Variants in GRHL3 observed in about 807,000 individuals in gnomAD.
GRHL3 encodes the protein grainyhead like transcription factor 3.
A neutral mutation model predicts 70.3 loss-of-function variants in GRHL3; 20 were observed. The ratio of observed to expected loss-of-function variants is 0.28; its 90% confidence interval spans 0.20 to 0.41. The LOEUF is 0.41. GRHL3 is among the 10% of genes least tolerant of loss of function. The probability of loss-of-function intolerance (pLI) is 1.00; values close to 1 mark genes in which losing one functional copy is unlikely to be tolerated. For synonymous variants in GRHL3, 299 were observed against 299.9 expected, an observed-to-expected ratio of 1.00 and a Z score of 0.03; for missense variants, 637 against 762.3, an observed-to-expected ratio of 0.84 and a Z score of 1.94.
chr1:24,352,944 G>A (rs570308345), intron 15 of GRHL3, among the ~76,000 whole-genome samples: 3 of 152,290 alleles, frequency 2.0e-5, no homozygotes, highest in East Asian at 1.9e-4. Flanking sequence ...CCATGCCTTC[G>A]GGTCCATGTT....
At chr1:24,341,161 C>T (rs1233362371) in intron 8 of GRHL3, among the ~76,000 whole-genome samples, 1 of 152,168 alleles carries the variant, frequency 6.6e-6, no homozygotes, top group Non-Finnish European at 1.5e-5. Context: ...CAGAGGAGGA[C>T]AATCACCAGG....
Position 24,337,042 on chromosome 1 carries a change from G to A in GRHL3, c.613-36G>A, listed in dbSNP as rs373117476. 4 of 1,595,444 alleles carry A rather than the reference G, an allele frequency of 2.5e-6. No individual in the cohort carries two copies. In the African/African-American group the frequency reaches 4.0e-5, roughly 16 times the overall value. On this transcript the variant is annotated intron_variant, in intron 4 of 15. Coordinates refer to ENST00000361548, the MANE Select transcript of GRHL3 (RefSeq NM_198173.3). ...GGCTGAGGCTTCCCAGAGTGAATGTGAGCATTTATTCTCTTGGGGCTGTGT... is the reference window on the plus strand; with the variant it reads ...GGCTGAGGCTTCCCAGAGTGAATGTAAGCATTTATTCTCTTGGGGCTGTGT...
In GRHL3 at chr1:24,337,663, C is replaced by A; in HGVS notation, c.714C>A (p.Pro238=). ...KSDFEYTLGS[P]KAIHIKSGES... is the part of the protein sequence containing the mutation. Reference sequence around the variant, plus strand: ...ACTTTGAATACACCCTGGGCTCCCCCAAAGCCATCCACATCAAGTCAGGCG... The same window carrying A: ...ACTTTGAATACACCCTGGGCTCCCCAAAAGCCATCCACATCAAGTCAGGCG... Residue 238 remains proline, a synonymous_variant, in exon 6 of 16, where the codon CCC becomes CCA. Coordinates refer to ENST00000361548, the MANE Select transcript of GRHL3 (RefSeq NM_198173.3). 6.2e-7 allele frequency: 1 copy of A among 1,614,186 alleles called. No individual in the cohort carries two copies. The highest frequency in any genetic ancestry group is 8.5e-7 in the Non-Finnish European group (1 of 1,180,026).
chr1:24,344,815 C>T (rs1640179951), intron 11 of GRHL3, 82 bp from the exon 12 acceptor site: 1 of 1,513,752 alleles, frequency 6.6e-7, no homozygotes, highest in African/African-American at 1.4e-5. Flanking sequence ...CAAAAATATT[C>T]CTCCCAGAGA....
rs917421180 is a variant in GRHL3, at chr1:24,332,281, C to G, written c.204+669C>G. ...TCATCTCCCTCTCCTGAGGGTCTTA[C>G]TGTCTTTCCTACTCCAGCTGCCATT... is the stretch of plus-strand genomic sequence containing the variant. On this transcript the variant is annotated intron_variant, in intron 2 of 15. Coordinates refer to ENST00000361548, the MANE Select transcript of GRHL3 (RefSeq NM_198173.3). 4.6e-5 allele frequency among the ~76,000 whole-genome samples: 7 copies of G among 152,264 alleles called. No homozygotes were observed. In the East Asian group the frequency reaches 1.4e-3, roughly 29 times the overall value.
chr1:24,342,213 C>T lies in GRHL3; in HGVS notation c.1146C>T (p.Gly382=). The T allele has an allele frequency of 6.2e-7, 1 of 1,613,560 alleles. No individual in the cohort carries two copies. The highest frequency in any genetic ancestry group is 8.5e-7 in the Non-Finnish European group (1 of 1,179,714). The change falls in exon 9 of 16, where the codon GGC becomes GGT. Residue 382 remains glycine, a synonymous_variant. Coordinates refer to ENST00000361548, the MANE Select transcript of GRHL3 (RefSeq NM_198173.3). This position sits in a 1 kb window ranked among gnomAD's most constrained non-coding sequence, Gnocchi z 4.8. ...LNLQIDTYDC[G]LGTERLVHRA... ...TGCAGATTGACACCTATGACTGTGG[C>T]TTGGGCACTGAGCGCCTGGTACACC...
intron 1 of GRHL3, among the ~76,000 whole-genome samples, chr1:24,330,549 G>A (rs1219855672): frequency 6.6e-6 from 1 of 152,206 alleles, no homozygotes; most frequent in Non-Finnish European, 1.5e-5. Context: ...CTTAGCTAGT[G>A]CCTAACGCAT....
chr1:24,336,169 C>T (rs1341702622), intron 3 of GRHL3, among the ~76,000 whole-genome samples: 1 of 151,826 alleles, frequency 6.6e-6, no homozygotes, highest in Non-Finnish European at 1.5e-5. Flanking sequence ...CGTTTTGACA[C>T]AGAGACATTT....
chr1:24,331,642 T>C (rs755978947), intron 2 of GRHL3, 30 bp downstream of exon 2: 1 of 1,585,924 alleles, frequency 6.3e-7, no homozygotes, highest in Non-Finnish European at 8.6e-7. Context: ...ACATGCCCCG[T>C]TTTGACTGAA....
chr1:24,349,430 C>T (rs1221192583), intron 14 of GRHL3, among the ~76,000 whole-genome samples: 1 of 152,210 alleles, frequency 6.6e-6, no homozygotes, highest in Non-Finnish European at 1.5e-5. Flanking sequence ...TTCCCCTGTC[C>T]CAGCAGGGCA....
chr1:24,347,944 G>A (rs76085370), intron 14 of GRHL3, among the ~76,000 whole-genome samples: 1,771 of 152,260 alleles, frequency 0.012, 46 homozygotes, highest in African/African-American at 0.041. Context: ...GCTTGTGGTT[G>A]GCTGGGGGCC....
rs188812038 is a variant in GRHL3, at chr1:24,337,979, A to C, written c.841-13A>C. The C allele has an allele frequency of 6.3e-7, 1 of 1,586,040 alleles. No individual in the cohort carries two copies. The highest frequency in any genetic ancestry group is 2.2e-5 in the East Asian group (1 of 44,568). On this transcript the variant is annotated splice_polypyrimidine_tract_variant and intron_variant, in intron 6 of 15. Transcript: ENST00000361548. ...AAGAGGCCGGGAGTGACTGTGACCAACTGTGCTTGCAGAGTGTGGTGATGG... is the reference window on the plus strand; with the variant it reads ...AAGAGGCCGGGAGTGACTGTGACCACCTGTGCTTGCAGAGTGTGGTGATGG...
intron 1 of GRHL3, among the ~76,000 whole-genome samples, chr1:24,330,156 A>G (rs1468202327): frequency 6.6e-6 from 1 of 152,248 alleles, no homozygotes; most frequent in Non-Finnish European, 1.5e-5. Flanking sequence ...TACATTGTAT[A>G]ATGACCAAAT....
At chr1:24,340,945 C>T (rs962534657) in intron 8 of GRHL3, among the ~76,000 whole-genome samples, 3 of 151,604 alleles carry the variant, frequency 2.0e-5, no homozygotes, top group Admixed American at 6.6e-5. Flanking sequence ...GCGAGCTGGG[C>T]GGGGGCTGCA....
intron 1 of GRHL3, among the ~76,000 whole-genome samples, chr1:24,325,125 C>T (rs980488712): frequency 2.0e-5 from 3 of 152,142 alleles, no homozygotes; most frequent in Admixed American, 1.3e-4. Context: ...TTGGGTGGCT[C>T]ATGGCAGGAT....
intron 15 of GRHL3, among the ~76,000 whole-genome samples, chr1:24,352,970 G>A (rs948543016): frequency 2.0e-5 from 3 of 152,208 alleles, no homozygotes; most frequent in Non-Finnish European, 2.9e-5. Context: ...CATTGCCCTC[G>A]GGGGGTCCTC....
At chr1:24,346,416 C>T in intron 12 of GRHL3, 137 bp from the exon 13 acceptor site, 1 of 606,732 alleles carries the variant, frequency 1.6e-6, no homozygotes, top group South Asian at 2.1e-5. Flanking sequence ...TGCTGCTTTA[C>T]CCCCACTGTC....
intron 15 of GRHL3, 130 bp downstream of exon 15, chr1:24,350,252 G>T: frequency 3.1e-6 from 2 of 653,296 alleles, no homozygotes; most frequent in Admixed American, 2.9e-5. Flanking sequence ...CAAAGCCACT[G>T]GTCACCTCTC....
rs1270182878 is a variant in GRHL3 at position 24,334,808 on chromosome 1, T to TGCTGA, written c.266+104_266+108dup. ...TATCCATTAGGCACAGGAGGCACAG[T>TGCTGA]GCTGAGGGCCCACAACACATTTTGG... is the stretch of plus-strand genomic sequence containing the variant. On this transcript the variant is annotated intron_variant, in intron 3 of 15. Coordinates refer to ENST00000361548, the MANE Select transcript of GRHL3 (RefSeq NM_198173.3). This position sits in a 1 kb window ranked among gnomAD's most constrained non-coding sequence, Gnocchi z 4.3. The TGCTGA allele has an allele frequency of 1.5e-6, 1 of 687,590 alleles. No individual in the cohort carries two copies. Among genetic ancestry groups the TGCTGA allele is most frequent in the Admixed American group, 2.8e-5 (1 of 35,766 alleles). The allele number at this position is 687,590 out of a possible 1,614,324, so 42.6% of individuals were successfully genotyped here. A position where few individuals can be genotyped will look rare whatever the true frequency, so the allele number is the denominator to read the frequency against.
Sources: allele counts gnomAD v4.1 joint callset (sites outside exome capture counted in the v4.1 genomes callset), GRCh38; gene constraint gnomAD v4.1.1; non-coding constraint Gnocchi (gnomAD v3.1); transcripts MANE v1.5; gene names NCBI Gene and HGNC (gene_info 2026-07-23, HGNC 2026-07-21).